TAF1B: variants seen among roughly 807,000 people sequenced by gnomAD.
TAF1B encodes TATA-box binding protein associated factor, RNA polymerase I subunit B.
TAF1B carries 61 observed loss-of-function variants against 83.9 expected under a neutral mutation model. The observed-to-expected ratio is 0.73, with a 90% CI of 0.59 to 0.90. The LOEUF (loss-of-function observed/expected upper bound fraction) is 0.90. Among genes scored for constraint, TAF1B ranks in the 40% least tolerant of loss-of-function variants. The probability of loss-of-function intolerance (pLI) is 0.00; values close to 1 mark genes in which losing one functional copy is unlikely to be tolerated. For missense variants in TAF1B, 625 were observed against 677.0 expected (o/e 0.92, Z 0.85); for synonymous variants, 221 against 224.6 (o/e 0.98, Z 0.14).
chr2:9,853,127 T>TA (rs1201697759), intron 4 of TAF1B, among the ~76,000 whole-genome samples: 1 of 152,260 alleles, frequency 6.6e-6, no homozygotes, highest in Non-Finnish European at 1.5e-5. Context: ...TTTATATAGT[T>TA]ACACTATATA....
At chr2:9,915,891 A>G (rs918291995) in intron 12 of TAF1B, among the ~76,000 whole-genome samples, 10 of 140,684 alleles carry the variant, frequency 7.1e-5, no homozygotes, top group Non-Finnish European at 1.2e-4. Context: ...ACAGTGGAAT[A>G]CCATTTAGCA....
intron 5 of TAF1B, among the ~76,000 whole-genome samples, chr2:9,858,309 G>A (rs2082176): frequency 0.011 from 1,751 of 152,294 alleles, 39 homozygotes; most frequent in African/African-American, 0.039. Context: ...ATCCAGGCAT[G>A]CTGATGCAAG....
intron 8 of TAF1B, among the ~76,000 whole-genome samples, chr2:9,883,841 GT>G (rs1664581895): frequency 6.6e-6 from 1 of 152,250 alleles, no homozygotes; most frequent in South Asian, 2.1e-4. Flanking sequence ...TCTCTTTGTA[GT>G]TATGCTATAA....
intron 6 of TAF1B, among the ~76,000 whole-genome samples, chr2:9,873,229 A>G (rs1664221739): frequency 1.3e-5 from 2 of 152,170 alleles, no homozygotes; most frequent in South Asian, 4.1e-4. Flanking sequence ...GGGTGTTTAT[A>G]TTGTAGTAGG....
In TAF1B at chr2:9,898,814, ATGTC is replaced by A. The variant is rs757717435; in HGVS notation, c.808-6041_808-6038del. Among the ~76,000 whole-genome samples, 3 of 152,230 alleles carry A rather than the reference ATGTC, an allele frequency of 2.0e-5. No individual in the cohort carries two copies. The South Asian group carries it at 6.2e-4, about 32-fold the overall frequency. On this transcript the variant is annotated intron_variant, in intron 8 of 14. Transcript: ENST00000263663. ...TATTAGCAAGTGGTATAGATTTTGAATGTCTGTAGATTTCATATATGCTGAATTT... is the reference window on the plus strand; with the variant it reads ...TATTAGCAAGTGGTATAGATTTTGAATGTAGATTTCATATATGCTGAATTT...
chr2:9,849,440 T>TC lies in TAF1B; in HGVS notation c.185_186insC (p.Lys63Ter). ...CAAATAAAAGCCCTCAACCGGGGGC[T>TC]TAAAAAAAAAAACAATACTGGTAAG... On this transcript the variant is annotated frameshift_variant, in exon 3 of 15. Transcript: ENST00000263663. LOFTEE classifies it high-confidence loss of function. 6.4e-7 allele frequency: 1 copy of TC among 1,570,982 alleles called. No homozygotes were observed. Among genetic ancestry groups the TC allele is most frequent in the Admixed American group, 1.9e-5 (1 of 51,612 alleles).
At chr2:9,930,275 T>A (rs1355297015) in intron 14 of TAF1B, among the ~76,000 whole-genome samples, 1 of 152,242 alleles carries the variant, frequency 6.6e-6, no homozygotes, top group Admixed American at 6.5e-5. Flanking sequence ...TGTTAAGATG[T>A]CGATTTTAGA....
chr2:9,917,306 A>T (rs1008410342), intron 12 of TAF1B, among the ~76,000 whole-genome samples: 2 of 152,224 alleles, frequency 1.3e-5, no homozygotes, highest in Non-Finnish European at 2.9e-5. Flanking sequence ...TTGCTAAATG[A>T]TATTACTAAA....
intron 12 of TAF1B, 70 bp from the exon 13 acceptor site, chr2:9,918,970 AG>A: frequency 3.2e-6 from 4 of 1,260,316 alleles, no homozygotes; most frequent in Non-Finnish European, 4.6e-6. Context: ...AATCTCAGAT[AG>A]TGCTTCAGAC....
At chr2:9,933,744 C>G in intron 14 of TAF1B, 39 bp from the exon 15 acceptor site, 1 of 1,539,464 alleles carries the variant, frequency 6.5e-7, no homozygotes, top group South Asian at 1.2e-5. Context: ...TTCTTGGTTA[C>G]CATCTAAAGA....
At chr2:9,877,097 A>G (rs1022021221) in intron 7 of TAF1B, among the ~76,000 whole-genome samples, 4 of 152,176 alleles carry the variant, frequency 2.6e-5, no homozygotes, top group Non-Finnish European at 5.9e-5. Context: ...GAATTTTACT[A>G]TTAATTTAAA....
At chr2:9,882,406 C>T (rs960635586) in intron 7 of TAF1B, among the ~76,000 whole-genome samples, 1 of 152,190 alleles carries the variant, frequency 6.6e-6, no homozygotes, top group African/African-American at 2.4e-5. Context: ...AGCAGTCTTA[C>T]TGCTGCTGCC....
At chr2:9,856,443 A>G (rs1036056) in intron 5 of TAF1B, among the ~76,000 whole-genome samples, 27,299 of 152,168 alleles carry the variant, frequency 0.18, 3,110 homozygotes, top group East Asian at 0.31. Context: ...TCATAGAACT[A>G]TGAAACATTA....
intron 14 of TAF1B, among the ~76,000 whole-genome samples, chr2:9,920,785 G>T (rs1382170531): frequency 6.6e-6 from 1 of 152,172 alleles, no homozygotes; most frequent in African/African-American, 2.4e-5. Context: ...CCTCGTATCT[G>T]TCGAGTGTGG....
At chr2:9,918,298 G>C (rs77291035) in intron 12 of TAF1B, among the ~76,000 whole-genome samples, 236 of 152,304 alleles carry the variant, frequency 1.5e-3, no homozygotes, top group Non-Finnish European at 2.7e-3. Context: ...GCGTCTGCTT[G>C]GCAAAGTTTA....
chr2:9,929,142 TTTGTTGTTG>T (rs70948857), intron 14 of TAF1B, among the ~76,000 whole-genome samples: 21 of 150,914 alleles, frequency 1.4e-4, no homozygotes, highest in Admixed American at 5.9e-4. Flanking sequence ...ATTGGTTCTG[TTTGTTGTTG>T]TTGTTGTTGT....
chr2:9,865,739 T>G (rs1202459529), intron 5 of TAF1B, among the ~76,000 whole-genome samples: 3 of 151,430 alleles, frequency 2.0e-5, no homozygotes, highest in Non-Finnish European at 4.4e-5. Flanking sequence ...AAAACAGAGA[T>G]ACAGACCAAT....
intron 5 of TAF1B, among the ~76,000 whole-genome samples, chr2:9,855,989 G>T (rs1425704351): frequency 6.6e-6 from 1 of 152,106 alleles, no homozygotes; most frequent in Non-Finnish European, 1.5e-5. Context: ...TCTTCATATG[G>T]CTAGAAGAGA....
intron 5 of TAF1B, among the ~76,000 whole-genome samples, chr2:9,863,551 T>TAA (rs1047795664): frequency 3.3e-5 from 5 of 152,096 alleles, no homozygotes; most frequent in African/African-American, 1.2e-4. Flanking sequence ...GACAGAAAGT[T>TAA]AACAAGGATA....
Sources: gnomAD v4.1 joint callset for allele counts (sites outside exome capture counted in the v4.1 genomes callset) on GRCh38, gnomAD v4.1.1 for gene constraint, MANE v1.5 for transcripts, NCBI Gene and HGNC (gene_info 2026-07-23, HGNC 2026-07-21) for gene names.